RHBG: variants seen among roughly 807,000 people sequenced by gnomAD.
The protein encoded by RHBG is ammonium transporter Rh type B.
Under a neutral mutation model 40.1 loss-of-function variants are expected in RHBG, and 39 were observed. The observed-to-expected ratio is 0.97, with a 90% CI of 0.75 to 1.27. RHBG has a LOEUF of 1.27. RHBG is among the 50% of genes most tolerant of loss of function. The pLI, the probability that RHBG is intolerant of heterozygous loss-of-function variation, is 0.00. For synonymous variants in RHBG, 237 were observed against 252.5 expected, an observed-to-expected ratio of 0.94 and a Z score of 0.58; for missense variants, 549 against 588.1, an observed-to-expected ratio of 0.93 and a Z score of 0.69.
At chr1:156,373,870 T>C (rs756243237) in intron 1 of RHBG, among the ~76,000 whole-genome samples, 3 of 152,206 alleles carry the variant, frequency 2.0e-5, no homozygotes, top group Non-Finnish European at 4.4e-5. Flanking sequence ...TAAAAGAACT[T>C]AGGGTGCAGG....
intron 1 of RHBG, among the ~76,000 whole-genome samples, chr1:156,375,809 G>A (rs1253355185): frequency 1.3e-5 from 2 of 150,588 alleles, no homozygotes; most frequent in Admixed American, 6.6e-5. Context: ...GCGCTATCTC[G>A]GCTCACTGCA....
Position 156,385,046 on chromosome 1 carries a change from T to G in RHBG, c.*201T>G. 1 of 547,494 alleles carries G rather than the reference T, an allele frequency of 1.8e-6. No individual in the cohort carries two copies. The highest frequency in any genetic ancestry group is 3.3e-6 in the Non-Finnish European group (1 of 304,666). 33.9% of individuals were successfully genotyped at this position (547,494 alleles called of 1,614,324 possible). A position where few individuals can be genotyped will look rare whatever the true frequency, so the allele number is the denominator to read the frequency against. On this transcript the variant is annotated 3_prime_UTR_variant, in exon 10 of 10. Transcript: ENST00000537040. ...AAATGGTGGGGAGTGGGGCCGTAAC[T>G]GGGTACAATAGGGGGAACCTCACCA...
rs1570999257 is a variant in RHBG at position 156,377,003 on chromosome 1, T to C, written c.188-298T>C. Among the ~76,000 whole-genome samples the C allele has an allele frequency of 6.6e-6, 1 of 152,170 alleles. No homozygotes were observed. Among genetic ancestry groups the C allele is most frequent in the African/African-American group, 2.4e-5 (1 of 41,442 alleles). ...AGCAGAAAAGAGCACAGGTTGGACT[T>C]CCAGCCAGTCTGTTGTAAGAGACCC... On this transcript the variant is annotated intron_variant, in intron 1 of 9. Coordinates refer to ENST00000537040, the MANE Select transcript of RHBG (RefSeq NM_020407.5). The surrounding 1 kb of genome is among the most constrained non-coding windows in gnomAD (Gnocchi z 4.6).
chr1:156,381,884 G>T lies in RHBG; in HGVS notation c.919G>T (p.Ala307Ser). The T allele has an allele frequency of 1.2e-6, 2 of 1,607,340 alleles. No individual in the cohort carries two copies. The highest frequency in any genetic ancestry group is 1.7e-6 in the Non-Finnish European group (2 of 1,178,594). ...SSEMMLTPFG[A>S]LAAGFLAGTV... ...TGAAATGATGCTGACACCCTTTGGG[G>T]CTCTGGCAGCTGGCTTCTTGGCTGG... The change falls in exon 6 of 10, where the codon GCT (alanine) becomes TCT (serine). Residue 307 changes from alanine (A) to serine (S), a missense_variant. Ala to Ser is a moderately conservative substitution (Grantham distance 99). Around this residue, in one of 3 missense-constraint regions of RHBG, gnomAD observed 399 missense variants for 417.0 expected, o/e 0.96. Transcript: ENST00000537040.
rs539592615 is a variant in RHBG, at chr1:156,373,979, T to C, written c.188-3322T>C. On this transcript the variant is annotated intron_variant, in intron 1 of 9. Coordinates refer to ENST00000537040, the MANE Select transcript of RHBG (RefSeq NM_020407.5). Reference sequence around the variant, plus strand: ...TTGGGAACATTCAGTATCCTCCTCCTGTTTGAGATGATATAATATATTATT... The same window carrying C: ...TTGGGAACATTCAGTATCCTCCTCCCGTTTGAGATGATATAATATATTATT... Among the ~76,000 whole-genome samples, 29 of 152,310 alleles carry C rather than the reference T, an allele frequency of 1.9e-4. No homozygotes were observed. The East Asian group carries it at 5.6e-3, about 29-fold the overall frequency.
chr1:156,378,929 GTC>G (rs923056609), intron 4 of RHBG, among the ~76,000 whole-genome samples: 2 of 151,998 alleles, frequency 1.3e-5, no homozygotes, highest in Non-Finnish European at 2.9e-5. Context: ...AGGGTGTTGG[GTC>G]ACCCCAGGGA....
rs1465659040 is a variant in RHBG, at chr1:156,381,463, G to T, written c.790G>T (p.Gly264Cys). The change falls in exon 5 of 10, where the codon GGC becomes TGC. Residue 264 changes from glycine to cysteine, a missense_variant. Physicochemically the swap from Gly to Cys is radical, Grantham distance 159. This residue lies in a region of RHBG where 399 missense variants were observed against 417.0 expected (regional missense o/e 0.96). Transcript: ENST00000537040. Reference protein sequence around the residue: ...TYYSLAASTLGTFALSALVGE... With the variant: ...TYYSLAASTLCTFALSALVGE... ...CTACTCCCTGGCTGCCAGCACCCTT[G>T]GCACCTTTGCCTTGTCAGCCCTTGT... The T allele has an allele frequency of 6.2e-7, 1 of 1,613,852 alleles. No individual in the cohort carries two copies. The highest frequency in any genetic ancestry group is 1.1e-5 in the South Asian group (1 of 91,068).
rs540424366 is a variant in RHBG at position 156,373,530 on chromosome 1, C to T, written c.188-3771C>T. Among the ~76,000 whole-genome samples the T allele has an allele frequency of 1.7e-4, 26 of 152,272 alleles. 1 individual carries two copies. The highest frequency in any genetic ancestry group is 6.3e-4 in the African/African-American group (26 of 41,566). The stretch of plus-strand genomic sequence containing the variant: ...TCTAAAGGGGATGTTGAGAGGTTGC[C>T]TTATTTCTTCCTCCACCTCCAGCTG... On this transcript the variant is annotated intron_variant, in intron 1 of 9. Transcript: ENST00000537040.
intron 6 of RHBG, 59 bp downstream of exon 6, chr1:156,382,002 C>G: frequency 6.2e-7 from 1 of 1,608,428 alleles, no homozygotes; most frequent in Non-Finnish European, 8.5e-7. Context: ...TTTCCTCCCG[C>G]CTCTCCAACA....
chr1:156,382,194 G>A lies in RHBG; in HGVS notation c.1105G>A (p.Gly369Arg), dbSNP rs763606183. The change falls in exon 7 of 10, where the codon GGA becomes AGA. Residue 369 changes from glycine to arginine, a missense_variant. By Grantham distance (125) the Gly-to-Arg change is moderately radical. Around this residue, in one of 3 missense-constraint regions of RHBG, gnomAD observed 399 missense variants for 417.0 expected, o/e 0.96. Coordinates refer to ENST00000537040, the MANE Select transcript of RHBG (RefSeq NM_020407.5). ...TGGACTTGCCACCCATGAAGCTTAC[G>A]GAGATGGGTGAGTTTCCTCCCAACC... ...VAGLATHEAY[G>R]DGLESVFPLI... 26 of 1,613,990 alleles carry A rather than the reference G, an allele frequency of 1.6e-5. No homozygotes were observed. The highest frequency in any genetic ancestry group is 8.3e-5 in the Admixed American group (5 of 59,994).
chr1:156,380,014 G>A (rs1667506840), intron 4 of RHBG, among the ~76,000 whole-genome samples: 1 of 152,152 alleles, frequency 6.6e-6, no homozygotes, highest in Non-Finnish European at 1.5e-5. Context: ...CTCTAGGAGA[G>A]ATTGAGGTTA....
rs1458906769 is a variant in RHBG, at chr1:156,381,934, G to C, written c.969G>C (p.Lys323Asn). 5 of 1,611,886 alleles carry C rather than the reference G, an allele frequency of 3.1e-6. No homozygotes were observed. In the Admixed American group the frequency reaches 8.5e-5, roughly 27 times the overall value. ...GGACTGTCTCCACGCTGGGGTACAAGTTCTTCACGGTATAGATGCCTCTTG... is the reference window on the plus strand; with the variant it reads ...GGACTGTCTCCACGCTGGGGTACAACTTCTTCACGGTATAGATGCCTCTTG... ...LAGTVSTLGY[K>N]FFTPILESKF... Residue 323 changes from lysine (K) to asparagine (N), a missense_variant, in exon 6 of 10, where the codon AAG becomes AAC. This residue lies in a region of RHBG where 399 missense variants were observed against 417.0 expected (regional missense o/e 0.96). Coordinates refer to ENST00000537040, the MANE Select transcript of RHBG (RefSeq NM_020407.5).
At chr1:156,383,828 ATTTTTTTT>A (rs58771195) in intron 8 of RHBG, among the ~76,000 whole-genome samples, 1 of 101,834 alleles carries the variant, frequency 9.8e-6, no homozygotes, top group Admixed American at 1.2e-4. Context: ...CGCCCGGCCT[ATTTTTTTT>A]TTTTTTTTTT....
rs372234779 is a variant in RHBG at position 156,370,983 on chromosome 1, G to A, written c.187+1547G>A. On this transcript the variant is annotated intron_variant, in intron 1 of 9. Transcript: ENST00000537040. ...AGGCCCTAGGCAGCTGGGACCAAGA[G>A]CACCAGATCTCCCAGAATTTATCAC... 1.7e-4 allele frequency among the ~76,000 whole-genome samples: 25 copies of A among 151,238 alleles called. 1 individual carries two copies. Among genetic ancestry groups the A allele is most frequent in the African/African-American group, 5.3e-4 (22 of 41,182 alleles).
At chr1:156,382,674 T>A in intron 7 of RHBG, 74 bp from the exon 8 acceptor site, 2 of 1,565,130 alleles carry the variant, frequency 1.3e-6, no homozygotes, top group Non-Finnish European at 1.7e-6. Context: ...TCCAGTGCCA[T>A]GAGCAGCCCT....
chr1:156,384,941 A>G lies in RHBG; in HGVS notation c.*96A>G. On this transcript the variant is annotated 3_prime_UTR_variant, in exon 10 of 10. Coordinates refer to ENST00000537040, the MANE Select transcript of RHBG (RefSeq NM_020407.5). ...TTTGAGCTCCCATTCCTCCAGCTGC[A>G]AGAAGGGAGCCATGAGCCAGAAGGA... 1.3e-6 allele frequency: 1 copy of G among 776,310 alleles called. No homozygotes were observed. Among genetic ancestry groups the G allele is most frequent in the South Asian group, 1.7e-5 (1 of 59,268 alleles). The allele number at this position is 776,310 out of a possible 1,614,324, so 48.1% of individuals were successfully genotyped here.
chr1:156,371,488 TCATC>T, intron 1 of RHBG: 1 of 211,330 alleles, frequency 4.7e-6, no homozygotes, highest in Non-Finnish European at 9.6e-6. Flanking sequence ...TATGCAGAGC[TCATC>T]AGCAGGCTAT....
intron 1 of RHBG, among the ~76,000 whole-genome samples, chr1:156,373,225 C>T (rs749402863): frequency 1.3e-5 from 2 of 151,994 alleles, no homozygotes; most frequent in Non-Finnish European, 2.9e-5. Context: ...AGTTTGAGGC[C>T]AGCCTGGGCA....
Position 156,381,914 on chromosome 1 carries a change from G to A in RHBG, c.949G>A (p.Val317Ile). The change falls in exon 6 of 10, where the codon GTC becomes ATC. Residue 317 changes from valine to isoleucine, a missense_variant. By Grantham distance (29) the Val-to-Ile change is conservative (BLOSUM62 3). Transcript: ENST00000537040. ...GGCAGCTGGCTTCTTGGCTGGGACT[G>A]TCTCCACGCTGGGGTACAAGTTCTT... ...ALAAGFLAGT[V>I]STLGYKFFTP... The A allele has an allele frequency of 6.2e-7, 1 of 1,610,876 alleles. No individual in the cohort carries two copies. Among genetic ancestry groups the A allele is most frequent in the Non-Finnish European group, 8.5e-7 (1 of 1,179,338 alleles).
Sources: allele counts gnomAD v4.1 joint callset (sites outside exome capture counted in the v4.1 genomes callset), GRCh38; gene constraint gnomAD v4.1.1; regional missense constraint gnomAD v4.1.1; non-coding constraint Gnocchi (gnomAD v3.1); transcripts MANE v1.5; gene names NCBI Gene and HGNC (gene_info 2026-07-23, HGNC 2026-07-21).